Variants in DMRTC1B observed in about 807,000 individuals in gnomAD.
The protein encoded by DMRTC1B is DMRT like family C1B.
At chrX:72,807,588 G>A in intron 1 of DMRTC1B, 1 of 943,192 alleles carries the variant, frequency 1.1e-6, no homozygotes, top group Non-Finnish European at 1.4e-6. Flanking sequence ...AGGGAGGAAA[G>A]CGAGTGACAA....
intron 1 of DMRTC1B, among the ~76,000 whole-genome samples, chrX:72,798,168 G>T (rs868979601): frequency 1.7e-3 from 8 of 4,809 alleles, no homozygotes; most frequent in Admixed American, 4.5e-3. Flanking sequence ...TTTTTTTTTT[G>T]TTGTTGTTGT....
chrX:72,820,591 C>T (rs1187731425), intron 1 of DMRTC1B, among the ~76,000 whole-genome samples: 27 of 101,675 alleles, frequency 2.7e-4, no homozygotes, highest in Non-Finnish European at 2.0e-4. Flanking sequence ...AATCTCGGCC[C>T]ACTGCAGGCT....
chrX:72,815,635 T>G (rs1164183898), intron 1 of DMRTC1B, among the ~76,000 whole-genome samples: 2 of 107,465 alleles, frequency 1.9e-5, no homozygotes, highest in East Asian at 5.4e-4. Context: ...CTCCTCTTTT[T>G]TTTTTTTTTT....
intron 1 of DMRTC1B, among the ~76,000 whole-genome samples, chrX:72,840,183 AAAAGCAAAGCAAAGCAAAGCAAAGC>A (rs781802857): frequency 0.084 from 6,062 of 72,482 alleles, 33 homozygotes; most frequent in Non-Finnish European, 0.11. Context: ...AGCAAAGAGA[AAAAGCAAAGCAAAGCAAAGCAAAGC>A]AAAGCAAAGC....
At chrX:72,820,835 C>T (rs781984441) in intron 1 of DMRTC1B, among the ~76,000 whole-genome samples, 1,072 of 51,925 alleles carry the variant, frequency 0.021, 2 homozygotes, top group Non-Finnish European at 0.029. Context: ...ACATTTTCTT[C>T]TAAGCACTGC....
At chrX:72,807,608 C>T (rs2054664008) in intron 1 of DMRTC1B, 4 of 903,275 alleles carry the variant, frequency 4.4e-6, no homozygotes, top group Non-Finnish European at 5.7e-6. Flanking sequence ...AGTGGACCCT[C>T]GGGAGCCCTG....
intron 1 of DMRTC1B, chrX:72,807,465 C>T (rs1380178668): frequency 8.4e-5 from 36 of 427,165 alleles, no homozygotes; most frequent in African/African-American, 2.0e-4. Flanking sequence ...GCCCGGTGAC[C>T]GGGACACTGG....
At chrX:72,807,790 A>G in intron 1 of DMRTC1B, 1 of 395,636 alleles carries the variant, frequency 2.5e-6, no homozygotes, top group Admixed American at 4.5e-5. Flanking sequence ...AGACCCTCGC[A>G]GAAGAGCAGG....
Position 72,848,442 on chromosome X carries a change from T to C in DMRTC1B, c.*67T>C, listed in dbSNP as rs2054751920. The C allele has an allele frequency of 8.0e-5, 3 of 37,506 alleles. No individual in the cohort carries two copies. The highest frequency in any genetic ancestry group is 2.9e-4 in the African/African-American group (2 of 6,974). 3.1% of individuals were successfully genotyped at this position (37,506 alleles called of 1,213,427 possible). On this transcript the variant is annotated 3_prime_UTR_variant, in exon 7 of 7. Coordinates refer to ENST00000334036, the MANE Select transcript of DMRTC1B (RefSeq NM_001386972.1). ...GTATCCAGTTTCTGAATGTGCAAAATGGTTAACGTCCAAAACGCTTAACGT... is the reference window on the plus strand; with the variant it reads ...GTATCCAGTTTCTGAATGTGCAAAACGGTTAACGTCCAAAACGCTTAACGT...
chrX:72,840,125 C>CA (rs200527014), intron 1 of DMRTC1B, among the ~76,000 whole-genome samples: 265 of 23,056 alleles, frequency 0.011, 18 homozygotes, highest in African/African-American at 0.032. Flanking sequence ...GAAACTCCGT[C>CA]AAAAAAAAAA....
intron 1 of DMRTC1B, among the ~76,000 whole-genome samples, chrX:72,820,551 G>A (rs1270805823): frequency 2.4e-4 from 23 of 94,319 alleles, no homozygotes; most frequent in Middle Eastern, 5.5e-3. Flanking sequence ...ACGGAGTCTC[G>A]CTGTCGCCCA....
intron 1 of DMRTC1B, among the ~76,000 whole-genome samples, chrX:72,802,311 G>A (rs1603282189): frequency 2.8e-5 from 1 of 35,803 alleles, no homozygotes; most frequent in East Asian, 3.8e-4. Context: ...CTCAGGCTTA[G>A]CAGCTATTGC....
chrX:72,839,360 C>T (rs1395006902), intron 1 of DMRTC1B, among the ~76,000 whole-genome samples: 1 of 111,876 alleles, frequency 8.9e-6, no homozygotes, highest in Admixed American at 9.2e-5. Context: ...GGAGTACATT[C>T]TAGTGTTTAG....
At chrX:72,807,934 C>T in intron 1 of DMRTC1B, 1 of 385,095 alleles carries the variant, frequency 2.6e-6, no homozygotes, top group Non-Finnish European at 4.0e-6. Flanking sequence ...ATGATCCCTC[C>T]CATCCCTGGC....
At chrX:72,820,463 C>T (rs2054689151) in intron 1 of DMRTC1B, among the ~76,000 whole-genome samples, 1 of 106,838 alleles carries the variant, frequency 9.4e-6, no homozygotes. Context: ...TTAGTTTGCT[C>T]TTTTTCCCAG....
intron 1 of DMRTC1B, among the ~76,000 whole-genome samples, chrX:72,820,604 G>A (rs1202890501): frequency 2.3e-5 from 2 of 86,546 alleles, no homozygotes; most frequent in South Asian, 7.1e-4. Flanking sequence ...TGCAGGCTCC[G>A]CCCCCTGGGG....
intron 1 of DMRTC1B, among the ~76,000 whole-genome samples, chrX:72,807,269 A>G (rs2147874423): frequency 1.2e-5 from 1 of 86,797 alleles, no homozygotes; most frequent in South Asian, 6.3e-4. Context: ...ACCAGGACCT[A>G]GTAACAAGCA....
intron 1 of DMRTC1B, among the ~76,000 whole-genome samples, chrX:72,839,365 G>C (rs2054717655): frequency 8.9e-6 from 1 of 112,295 alleles, no homozygotes; most frequent in African/African-American, 3.3e-5. Context: ...ACATTCTAGT[G>C]TTTAGGAGGT....
intron 1 of DMRTC1B, among the ~76,000 whole-genome samples, chrX:72,839,389 A>C (rs1200769465): frequency 4.4e-5 from 5 of 112,968 alleles, no homozygotes; most frequent in Non-Finnish European, 7.5e-5. Context: ...TGCTGAAGTA[A>C]CTGGGTGAAG....
Sources: gnomAD v4.1 joint callset for allele counts (sites outside exome capture counted in the v4.1 genomes callset) on GRCh38, gnomAD v4.1.1 for gene constraint, MANE v1.5 for transcripts, NCBI Gene and HGNC (gene_info 2026-07-23, HGNC 2026-07-21) for gene names.